The following HDLBP variants were observed in gnomAD, a reference collection of about 807,000 sequenced individuals.
HDLBP encodes vigilin.
Under a neutral mutation model 137.3 loss-of-function variants are expected in HDLBP, and 30 were observed. That is an observed-to-expected ratio of 0.22 (90% confidence interval 0.16 to 0.30). The LOEUF (loss-of-function observed/expected upper bound fraction) is 0.30. Ranked by LOEUF, HDLBP falls within the 10% of genes least tolerant of loss-of-function variation. The probability of loss-of-function intolerance (pLI) is 1.00; values close to 1 mark genes in which losing one functional copy is unlikely to be tolerated. For synonymous variants in HDLBP, 606 were observed against 596.0 expected, an observed-to-expected ratio of 1.02 and a Z score of -0.24; for missense variants, 1,119 against 1,667.3, an observed-to-expected ratio of 0.67 and a Z score of 5.73.
Position 241,256,297 on chromosome 2 carries a change from T to C in HDLBP, c.760A>G (p.Thr254Ala), listed in dbSNP as rs1380894489. The change falls in exon 7 of 28, where the codon ACG becomes GCG. Residue 254 changes from threonine to alanine, a missense_variant. Thr to Ala is a moderately conservative substitution (Grantham distance 58, BLOSUM62 0). This residue lies in a region of HDLBP where 425 missense variants were observed against 693.9 expected (regional missense o/e 0.61). Coordinates refer to ENST00000310931, the MANE Select transcript of HDLBP (RefSeq NM_005336.6). ...CTGGGTGGGGGGATGTTGATGCGCG[T>C]GCCTGTCTCCTGCATGATCTCGCCA... ...LVGEIMQETG[T>A]RINIPPPSVN... The C allele has an allele frequency of 3.7e-6, 6 of 1,614,148 alleles. No homozygotes were observed. Among genetic ancestry groups the C allele is most frequent in the Non-Finnish European group, 4.2e-6 (5 of 1,180,014 alleles).
At position 241,272,707 on chromosome 2, in the gene HDLBP, C is replaced by CCCGCCCCGT. The variant is rs1257765948; in HGVS notation, c.-102-4175_-102-4167dup. The stretch of plus-strand genomic sequence containing the variant: ...CCCCACCCCCCCGCCCGGCAGCCCG[C>CCCGCCCCGT]CCGCCCCGTCCGCCCGCCCGCCCAG... On this transcript the variant is annotated intron_variant, in intron 1 of 27. Coordinates refer to ENST00000310931, the MANE Select transcript of HDLBP (RefSeq NM_005336.6). This position sits in a 1 kb window ranked among gnomAD's most constrained non-coding sequence, Gnocchi z 5.6. 9.4e-6 allele frequency: 6 copies of CCCGCCCCGT among 640,726 alleles called. No individual in the cohort carries two copies. Among genetic ancestry groups the CCCGCCCCGT allele is most frequent in the Non-Finnish European group, 9.6e-6 (5 of 520,198 alleles). 39.7% of individuals were successfully genotyped at this position (640,726 alleles called of 1,614,324 possible).
In HDLBP at chr2:241,312,240, A is replaced by G. The variant is rs1353604989; in HGVS notation, c.-103+3330T>C. 3.9e-5 allele frequency among the ~76,000 whole-genome samples: 6 copies of G among 152,380 alleles called. 1 individual carries two copies. The South Asian group carries it at 1.0e-3, about 26-fold the overall frequency. Reference sequence around the variant, plus strand: ...CAAATTAACAACAAGTATCAACAAGATGACTAACACAACCACATGATGTCC... The same window carrying G: ...CAAATTAACAACAAGTATCAACAAGGTGACTAACACAACCACATGATGTCC... On this transcript the variant is annotated intron_variant, in intron 1 of 27. Transcript: ENST00000310931.
chr2:241,279,819 C>T, intron 1 of HDLBP: 3 of 651,062 alleles, frequency 4.6e-6, no homozygotes, highest in Non-Finnish European at 5.7e-6. Context: ...CAAGAATGCT[C>T]ATCTCACTGC....
intron 1 of HDLBP, among the ~76,000 whole-genome samples, chr2:241,311,429 A>C (rs1290681070): frequency 6.6e-6 from 1 of 152,156 alleles, no homozygotes; most frequent in Non-Finnish European, 1.5e-5. Context: ...AAATCAAGAG[A>C]ATGACATAGG....
chr2:241,254,156 T>C lies in HDLBP; in HGVS notation c.1189-659A>G, dbSNP rs1180742619. 1.3e-5 allele frequency among the ~76,000 whole-genome samples: 2 copies of C among 152,114 alleles called. 1 individual carries two copies. Among genetic ancestry groups the C allele is most frequent in the East Asian group, 3.8e-4 (2 of 5,196 alleles). ...CTGGGGCGCCTGTAGTGCCAGCTAC[T>C]TGGGAAGCTGAGACGAGCGGATCAC... is the stretch of plus-strand genomic sequence containing the variant. On this transcript the variant is annotated intron_variant, in intron 9 of 27. Transcript: ENST00000310931.
chr2:241,305,781 A>G (rs1296518692), intron 1 of HDLBP, among the ~76,000 whole-genome samples: 1 of 144,838 alleles, frequency 6.9e-6, no homozygotes. Flanking sequence ...TTTTTTTGAG[A>G]TGGAGTCTCG....
intron 1 of HDLBP, among the ~76,000 whole-genome samples, chr2:241,305,490 C>T (rs1274565665): frequency 6.6e-6 from 1 of 152,206 alleles, no homozygotes; most frequent in Non-Finnish European, 1.5e-5. Context: ...CTTTCAAGGA[C>T]TGACCCTTTA....
chr2:241,272,474 G>A lies in HDLBP; in HGVS notation c.-102-3933C>T, dbSNP rs1193525590. On this transcript the variant is annotated intron_variant, in intron 1 of 27. Transcript: ENST00000310931. The surrounding 1 kb of genome is among the most constrained non-coding windows in gnomAD (Gnocchi z 5.6). ...AGCTTGCAGCCAAGAGCGGCCCAGC[G>A]GCGCCACCGGACTTGAGAAAGTTTG... The A allele has an allele frequency of 4.1e-6, 4 of 984,470 alleles. No individual in the cohort carries two copies. The highest frequency in any genetic ancestry group is 4.8e-6 in the Non-Finnish European group (4 of 829,660). 61.0% of individuals were successfully genotyped at this position (984,470 alleles called of 1,614,324 possible).
intron 1 of HDLBP, among the ~76,000 whole-genome samples, chr2:241,295,051 G>A (rs182450084): frequency 1.1e-4 from 16 of 152,190 alleles, no homozygotes; most frequent in Middle Eastern, 3.4e-3. Flanking sequence ...GCAGTGAGCC[G>A]AGATTGCACC....
chr2:241,260,286 G>T (rs1053916644), intron 5 of HDLBP, among the ~76,000 whole-genome samples: 2 of 152,182 alleles, frequency 1.3e-5, no homozygotes, highest in African/African-American at 4.8e-5. Context: ...GATTATAGGC[G>T]TGAGCCACTG....
At chr2:241,295,558 T>A (rs949506560) in intron 1 of HDLBP, among the ~76,000 whole-genome samples, 2 of 152,036 alleles carry the variant, frequency 1.3e-5, no homozygotes, top group African/African-American at 4.8e-5. Flanking sequence ...AAAAGATGTC[T>A]GTTCTATTCC....
At position 241,255,626 on chromosome 2, in the gene HDLBP, A is replaced by G. The variant is rs2072552881; in HGVS notation, c.874-46T>C. The G allele has an allele frequency of 7.3e-6, 11 of 1,514,712 alleles. No homozygotes were observed. The South Asian group carries it at 1.1e-4, about 15-fold the overall frequency. 93.8% of individuals were successfully genotyped at this position (1,514,712 alleles called of 1,614,324 possible). ...GGGCAGTCAAAGGGAAAGGTGTGGG[A>G]AGCGGGCAGGTGGGCATGGCCACTG... On this transcript the variant is annotated intron_variant, in intron 7 of 27. Transcript: ENST00000310931.
chr2:241,260,623 C>T (rs1323465880), intron 5 of HDLBP, among the ~76,000 whole-genome samples: 1 of 152,192 alleles, frequency 6.6e-6, no homozygotes, highest in Non-Finnish European at 1.5e-5. Context: ...TGGGCAATCA[C>T]CAATTGATAG....
intron 1 of HDLBP, among the ~76,000 whole-genome samples, chr2:241,286,294 T>C (rs1168257749): frequency 2.0e-5 from 3 of 152,124 alleles, no homozygotes; most frequent in African/African-American, 7.2e-5. Context: ...AAATAAATCT[T>C]GGGGCCCCCA....
At position 241,227,748 on chromosome 2, in the gene HDLBP, G is replaced by C. The variant is rs10892; in HGVS notation, c.*1853C>G. The stretch of plus-strand genomic sequence containing the variant: ...GAGGAACCCGCTGCGATGGAGATTG[G>C]GGGGAGCTGGAAGCAAGCAGCCAAC... On this transcript the variant is annotated 3_prime_UTR_variant, in exon 28 of 28. Transcript: ENST00000310931. 0.15 allele frequency: 22,913 copies of C among 152,514 alleles called. 4,248 individuals are homozygous for C. Among genetic ancestry groups the C allele is most frequent in the African/African-American group, 0.41 (17,058 of 41,454 alleles). 9.4% of individuals were successfully genotyped at this position (152,514 alleles called of 1,614,324 possible).
chr2:241,273,326 C>T (rs566492386), intron 1 of HDLBP: 9 of 799,586 alleles, frequency 1.1e-5, no homozygotes, highest in South Asian at 1.1e-4. Context: ...TATCCCCACC[C>T]GATTCCTTGG....
intron 1 of HDLBP, among the ~76,000 whole-genome samples, chr2:241,277,549 T>A (rs779635243): frequency 1.3e-5 from 2 of 152,178 alleles, no homozygotes; most frequent in Non-Finnish European, 2.9e-5. Context: ...AGAAGAGTAG[T>A]GTCAAAAACT....
In HDLBP at chr2:241,242,672, T is replaced by C. The variant is rs1256845609; in HGVS notation, c.1957A>G (p.Ile653Val). Residue 653 changes from isoleucine (I) to valine (V), a missense_variant, in exon 17 of 28, where the codon ATA becomes GTA. Ile to Val is a conservative substitution (Grantham distance 29). Coordinates refer to ENST00000310931, the MANE Select transcript of HDLBP (RefSeq NM_005336.6). ...ILSIQKDLAN[I>V]AEVEVSIPAK... ...GGGATGGAGACCTCTACCTCGGCTA[T>C]GTTGGCCTGAAACCAAACACAGGGC... 1 of 1,613,426 alleles carries C rather than the reference T, an allele frequency of 6.2e-7. No homozygotes were observed. The highest frequency in any genetic ancestry group is 1.7e-5 in the Admixed American group (1 of 59,904).
intron 21 of HDLBP, 166 bp downstream of exon 21, chr2:241,236,449 G>A: frequency 1.4e-6 from 1 of 691,660 alleles, no homozygotes; most frequent in Non-Finnish European, 2.5e-6. Context: ...CAAACTCTGT[G>A]TCCAGCCGAG....
Sources: gnomAD v4.1 joint callset for allele counts (sites outside exome capture counted in the v4.1 genomes callset) on GRCh38, gnomAD v4.1.1 for gene constraint, gnomAD v4.1.1 regional missense constraint, Gnocchi (gnomAD v3.1) non-coding constraint, MANE v1.5 for transcripts, NCBI Gene and HGNC (gene_info 2026-07-23, HGNC 2026-07-21) for gene names.